Variants in KIF26B observed in about 807,000 individuals in gnomAD.
KIF26B encodes kinesin-like protein KIF26B.
Under a neutral mutation model 151.2 loss-of-function variants are expected in KIF26B, and 63 were observed. The ratio of observed to expected loss-of-function variants is 0.42; its 90% CI spans 0.34 to 0.51. The LOEUF is 0.51. Ranked by LOEUF, KIF26B falls within the 20% of genes least tolerant of loss-of-function variation. KIF26B has a pLI of 0.07. For synonymous variants in KIF26B, 1,357 were observed against 1,262.1 expected (o/e 1.08, Z -1.59); for missense variants, 2,813 against 2,913.6 (o/e 0.97, Z 0.79).
At chr1:245,680,043 C>T (rs2044412465) in intron 10 of KIF26B, among the ~76,000 whole-genome samples, 1 of 152,146 alleles carries the variant, frequency 6.6e-6, no homozygotes, top group African/African-American at 2.4e-5. Flanking sequence ...CTTTTCTCTT[C>T]CTCTCTCTTC....
intron 4 of KIF26B, among the ~76,000 whole-genome samples, chr1:245,526,189 G>T (rs1260639025): frequency 2.0e-5 from 3 of 152,166 alleles, no homozygotes; most frequent in African/African-American, 4.8e-5. Context: ...TTTTGGACCT[G>T]CCTGTGATGA....
chr1:245,639,540 C>T (rs552599209), intron 9 of KIF26B, among the ~76,000 whole-genome samples: 1 of 151,512 alleles, frequency 6.6e-6, no homozygotes, highest in South Asian at 2.1e-4. Context: ...TTTTCTAGTT[C>T]ATTGAGGTGC....
chr1:245,303,274 C>A (rs2102978580), intron 2 of KIF26B, among the ~76,000 whole-genome samples: 1 of 147,222 alleles, frequency 6.8e-6, no homozygotes, highest in African/African-American at 2.6e-5. Context: ...TCTCGGCTCA[C>A]TGCAAGCTCC....
chr1:245,411,545 C>T (rs1225808611), intron 3 of KIF26B, among the ~76,000 whole-genome samples: 4 of 152,112 alleles, frequency 2.6e-5, no homozygotes, highest in Non-Finnish European at 5.9e-5. Flanking sequence ...CATTTCACCT[C>T]GCCGGGGGAG....
chr1:245,573,684 GA>G (rs899913559), intron 5 of KIF26B, among the ~76,000 whole-genome samples: 11 of 148,786 alleles, frequency 7.4e-5, no homozygotes, highest in African/African-American at 2.5e-4. Flanking sequence ...ACTGGCCAAG[GA>G]AAAAAAAAGA....
chr1:245,685,327 C>A, intron 11 of KIF26B, 78 bp from the exon 12 acceptor site: 1 of 1,243,122 alleles, frequency 8.0e-7, no homozygotes, highest in Admixed American at 2.4e-5. Context: ...GGGGCCTTCA[C>A]CACTTGCCGC....
In KIF26B at chr1:245,358,721, T is replaced by C. The variant is rs1672752575; in HGVS notation, c.466-8113T>C. 6.6e-6 allele frequency among the ~76,000 whole-genome samples: 1 copy of C among 152,226 alleles called. No homozygotes were observed. The highest frequency in any genetic ancestry group is 2.4e-5 in the African/African-American group (1 of 41,464). On this transcript the variant is annotated intron_variant, in intron 2 of 14. Coordinates refer to ENST00000407071, the MANE Select transcript of KIF26B (RefSeq NM_018012.4). This position sits in a 1 kb window ranked among gnomAD's most constrained non-coding sequence, Gnocchi z 4.1. The stretch of plus-strand genomic sequence containing the variant: ...GCCTGCTGGCACATTAAAGCCTACA[T>C]GTAAAAAATACATCAAGTCTAGATG...
chr1:245,673,373 CCCG>C (rs2044318363), intron 10 of KIF26B, among the ~76,000 whole-genome samples: 3 of 138,636 alleles, frequency 2.2e-5, no homozygotes, highest in East Asian at 2.2e-4. Context: ...AGGCCCAGTC[CCCG>C]CTGCGCGCTG....
intron 5 of KIF26B, among the ~76,000 whole-genome samples, chr1:245,600,647 A>T (rs966512513): frequency 6.6e-6 from 1 of 150,640 alleles, no homozygotes; most frequent in South Asian, 2.1e-4. Flanking sequence ...CTGGATCATG[A>T]TATCTTATCA....
intron 4 of KIF26B, among the ~76,000 whole-genome samples, chr1:245,500,420 G>A (rs1384345097): frequency 6.6e-6 from 1 of 152,128 alleles, no homozygotes; most frequent in African/African-American, 2.4e-5. Flanking sequence ...TCCAAGTTTT[G>A]TCAGTTAGAA....
intron 2 of KIF26B, among the ~76,000 whole-genome samples, chr1:245,303,677 G>A (rs1671485759): frequency 6.6e-6 from 1 of 152,202 alleles, no homozygotes; most frequent in South Asian, 2.1e-4. Context: ...ATTAACTAAA[G>A]GTGCTGTGAA....
At chr1:245,444,212 G>A (rs893734838) in intron 4 of KIF26B, among the ~76,000 whole-genome samples, 8 of 150,794 alleles carry the variant, frequency 5.3e-5, no homozygotes, top group African/African-American at 2.0e-4. Flanking sequence ...TAGAGGAGAG[G>A]TCATCTCCCT....
chr1:245,280,150 C>A (rs1055673491), intron 2 of KIF26B, among the ~76,000 whole-genome samples: 1 of 151,980 alleles, frequency 6.6e-6, no homozygotes, highest in African/African-American at 2.4e-5. Context: ...AGCCAGGAGT[C>A]GTCACCCAGA....
intron 2 of KIF26B, among the ~76,000 whole-genome samples, chr1:245,303,349 C>A (rs1553342720): frequency 6.6e-6 from 1 of 151,378 alleles, no homozygotes; most frequent in East Asian, 2.0e-4. Flanking sequence ...CAGGTGCCCG[C>A]CACCACGCCC....
chr1:245,423,116 GGAAAGAAA>G (rs371175960), intron 4 of KIF26B, among the ~76,000 whole-genome samples: 2 of 142,506 alleles, frequency 1.4e-5, no homozygotes, highest in East Asian at 4.0e-4. Flanking sequence ...AAAAAAAAAA[GGAAAGAAA>G]GAAAGAAAGA....
chr1:245,331,767 G>A (rs934750538), intron 2 of KIF26B, among the ~76,000 whole-genome samples: 1 of 152,126 alleles, frequency 6.6e-6, no homozygotes, highest in African/African-American at 2.4e-5. Flanking sequence ...ATGTGATAGC[G>A]TACACTTCTT....
intron 4 of KIF26B, among the ~76,000 whole-genome samples, chr1:245,424,639 G>A (rs111709240): frequency 7.2e-5 from 11 of 152,196 alleles, no homozygotes; most frequent in Middle Eastern, 6.8e-3. Context: ...GTCCACACAC[G>A]GTTACTGGTC....
chr1:245,423,438 C>T (rs551017518), intron 4 of KIF26B, among the ~76,000 whole-genome samples: 7 of 151,934 alleles, frequency 4.6e-5, no homozygotes, highest in African/African-American at 1.7e-4. Flanking sequence ...GGTTCCTATT[C>T]TCTGTGCTAA....
Position 245,611,951 on chromosome 1 carries a change from G to A in KIF26B, c.2073G>A (p.Arg691=), listed in dbSNP as rs1231136514. The A allele has an allele frequency of 3.7e-6, 6 of 1,613,014 alleles. No homozygotes were observed. The highest frequency in any genetic ancestry group is 4.2e-6 in the Non-Finnish European group (5 of 1,179,332). ...VFFTLHIYQY[R]MEKSGKGGMS... ...TCACACTGCACATCTACCAGTACCG[G>A]ATGGAGAAGAGCGGGAAAGGGGGAA... is the stretch of plus-strand genomic sequence containing the variant. Residue 691 remains arginine (R), a synonymous_variant, in exon 9 of 15, where the codon CGG becomes CGA. Coordinates refer to ENST00000407071, the MANE Select transcript of KIF26B (RefSeq NM_018012.4).
Sources: gnomAD v4.1 joint callset for allele counts (sites outside exome capture counted in the v4.1 genomes callset) on GRCh38, gnomAD v4.1.1 for gene constraint, Gnocchi (gnomAD v3.1) non-coding constraint, MANE v1.5 for transcripts, NCBI Gene and HGNC (gene_info 2026-07-23, HGNC 2026-07-21) for gene names.